Variants in SLCO3A1 observed in about 807,000 individuals in gnomAD.
The protein encoded by SLCO3A1 is solute carrier organic anion transporter family member 3A1.
Under a neutral mutation model 63.1 loss-of-function variants are expected in SLCO3A1, and 27 were observed. That is an observed-to-expected ratio of 0.43 (90% confidence interval 0.32 to 0.59). The LOEUF (loss-of-function observed/expected upper bound fraction) is 0.59, where lower values mean the gene tolerates loss of function less well. Among genes scored for constraint, SLCO3A1 ranks in the 20% least tolerant of loss-of-function variants. SLCO3A1 has a pLI of 0.09. For synonymous variants in SLCO3A1, 473 were observed against 409.9 expected, an observed-to-expected ratio of 1.15 and a Z score of -1.86; for missense variants, 773 against 945.8, an observed-to-expected ratio of 0.82 and a Z score of 2.40.
intron 3 of SLCO3A1, among the ~76,000 whole-genome samples, chr15:92,098,503 G>A (rs1413769432): frequency 6.6e-6 from 1 of 152,180 alleles, no homozygotes; most frequent in Non-Finnish European, 1.5e-5. Context: ...ACCCAGGTGA[G>A]AACAGGACCT....
At chr15:92,013,316 G>A (rs1319207455) in intron 2 of SLCO3A1, among the ~76,000 whole-genome samples, 5 of 152,244 alleles carry the variant, frequency 3.3e-5, no homozygotes, top group Admixed American at 1.3e-4. Context: ...CATAGATGTT[G>A]AGGCTTGGTT....
intron 6 of SLCO3A1, 58 bp downstream of exon 6, chr15:92,126,317 C>G (rs2047922727): frequency 6.8e-7 from 1 of 1,463,926 alleles, no homozygotes. Flanking sequence ...AGCAATCTCC[C>G]TCTGCAGTAG....
chr15:91,895,168 G>T (rs1897972469), intron 1 of SLCO3A1, among the ~76,000 whole-genome samples: 1 of 152,162 alleles, frequency 6.6e-6, no homozygotes, highest in Admixed American at 6.5e-5. Context: ...AATGAGCTGT[G>T]GGCGTGAAGG....
chr15:92,151,949 G>A (rs897000143), intron 9 of SLCO3A1, among the ~76,000 whole-genome samples: 2 of 152,212 alleles, frequency 1.3e-5, no homozygotes, highest in Non-Finnish European at 1.5e-5. Flanking sequence ...CAGACAATTA[G>A]TTAAATCAGT....
intron 9 of SLCO3A1, among the ~76,000 whole-genome samples, chr15:92,156,613 C>A: frequency 6.6e-6 from 1 of 152,214 alleles, no homozygotes; most frequent in Non-Finnish European, 1.5e-5. Flanking sequence ...TGTCAGGTAT[C>A]ACTGGAAAAC....
intron 2 of SLCO3A1, among the ~76,000 whole-genome samples, chr15:91,951,219 T>C (rs895620969): frequency 2.6e-5 from 4 of 152,166 alleles, no homozygotes; most frequent in Admixed American, 1.3e-4. Flanking sequence ...AGCAATCCTC[T>C]CCCATCCCCT....
Position 92,111,574 on chromosome 15 carries a change from G to A in SLCO3A1, c.1009+7032G>A, listed in dbSNP as rs560647169. Among the ~76,000 whole-genome samples the A allele has an allele frequency of 1.1e-4, 16 of 152,262 alleles. No individual in the cohort carries two copies. In the South Asian group the frequency reaches 1.7e-3, roughly 16 times the overall value. On this transcript the variant is annotated intron_variant, in intron 4 of 9. Transcript: ENST00000318445. ...AGGAGTTGTTTTTATAGGTCCCCAC[G>A]GACCAGACTGGTCACTGGCTTAAGT...
At chr15:92,060,333 G>C (rs1364060991) in intron 2 of SLCO3A1, among the ~76,000 whole-genome samples, 2 of 152,074 alleles carry the variant, frequency 1.3e-5, no homozygotes, top group African/African-American at 4.8e-5. Flanking sequence ...GCCAAGGTAG[G>C]CAGATCATTT....
chr15:92,163,492 GATACAC>G lies in SLCO3A1; in HGVS notation c.*369_*374del, dbSNP rs1039409180. ...CCAGCTTGGAGGATGGACATTTCTGGATACACATACACATACAAAACAGAAAACATT... is the reference window on the plus strand; with the variant it reads ...CCAGCTTGGAGGATGGACATTTCTGGATACACATACAAAACAGAAAACATT... On this transcript the variant is annotated 3_prime_UTR_variant, in exon 10 of 10. Coordinates refer to ENST00000318445, the MANE Select transcript of SLCO3A1 (RefSeq NM_013272.4). The G allele has an allele frequency of 7.2e-5, 73 of 1,011,278 alleles. No homozygotes were observed. The highest frequency in any genetic ancestry group is 6.6e-4 in the East Asian group (7 of 10,570). The allele number at this position is 1,011,278 out of a possible 1,614,324, so 62.6% of individuals were successfully genotyped here. A position where few individuals can be genotyped will look rare whatever the true frequency, so the allele number is the denominator to read the frequency against.
In SLCO3A1 at chr15:92,040,137, C is replaced by G. The variant is rs897858555; in HGVS notation, c.647-54744C>G. On this transcript the variant is annotated intron_variant, in intron 2 of 9. Coordinates refer to ENST00000318445, the MANE Select transcript of SLCO3A1 (RefSeq NM_013272.4). ...CTAGATGATGGGTTGATAGGTGAAGCAAACCACCACGGCACATGTATACCT... is the reference window on the plus strand; with the variant it reads ...CTAGATGATGGGTTGATAGGTGAAGGAAACCACCACGGCACATGTATACCT... Among the ~76,000 whole-genome samples the G allele has an allele frequency of 5.3e-5, 8 of 152,120 alleles. 1 individual carries two copies. The highest frequency in any genetic ancestry group is 5.2e-4 in the Admixed American group (8 of 15,262).
chr15:91,973,240 G>A (rs936449425), intron 2 of SLCO3A1, among the ~76,000 whole-genome samples: 8 of 152,200 alleles, frequency 5.3e-5, no homozygotes, highest in African/African-American at 1.9e-4. Flanking sequence ...TCCAAGGAAC[G>A]AATGAATTCT....
At chr15:91,898,533 C>T (rs1462660685) in intron 1 of SLCO3A1, among the ~76,000 whole-genome samples, 1 of 152,194 alleles carries the variant, frequency 6.6e-6, no homozygotes, top group Non-Finnish European at 1.5e-5. Flanking sequence ...GAAGGCTGCA[C>T]TCCCTTCCTC....
chr15:92,000,926 G>A (rs922896508), intron 2 of SLCO3A1, among the ~76,000 whole-genome samples: 1 of 152,086 alleles, frequency 6.6e-6, no homozygotes, highest in Non-Finnish European at 1.5e-5. Context: ...TAGTTGGAGG[G>A]CTTTGTACAT....
chr15:91,881,159 T>C (rs1444313523), intron 1 of SLCO3A1, among the ~76,000 whole-genome samples: 2 of 152,174 alleles, frequency 1.3e-5, no homozygotes, highest in South Asian at 2.1e-4. Flanking sequence ...TACAAGCAGC[T>C]TGGCCAGCTT....
intron 7 of SLCO3A1, among the ~76,000 whole-genome samples, chr15:92,143,043 G>A (rs1165507620): frequency 6.6e-6 from 1 of 151,730 alleles, no homozygotes; most frequent in Non-Finnish European, 1.5e-5. Flanking sequence ...ATTCCTGAGA[G>A]ACTGCGTGCT....
intron 4 of SLCO3A1, among the ~76,000 whole-genome samples, chr15:92,118,962 CTT>C (rs1344327323): frequency 2.6e-5 from 4 of 152,206 alleles, no homozygotes; most frequent in African/African-American, 9.6e-5. Flanking sequence ...CTTTAAATAA[CTT>C]TAAATCTACT....
chr15:91,855,253 C>G (rs7179294), intron 1 of SLCO3A1, among the ~76,000 whole-genome samples: 45,204 of 151,952 alleles, frequency 0.3, 8,557 homozygotes, highest in African/African-American at 0.54. Context: ...GAGGGCCAGA[C>G]GCTGGGGGCT....
intron 9 of SLCO3A1, among the ~76,000 whole-genome samples, chr15:92,156,285 C>T (rs967062131): frequency 6.6e-6 from 1 of 152,194 alleles, no homozygotes; most frequent in African/African-American, 2.4e-5. Flanking sequence ...TTCCACTTGC[C>T]TACACTTTTA....
rs962514834 is a variant in SLCO3A1, at chr15:91,859,240, G to A, written c.180+5152G>A. On this transcript the variant is annotated intron_variant, in intron 1 of 9. Coordinates refer to ENST00000318445, the MANE Select transcript of SLCO3A1 (RefSeq NM_013272.4). The surrounding 1 kb of genome is among the most constrained non-coding windows in gnomAD (Gnocchi z 5.1). ...ACCGTTCTCCCCTGAAGAAAATCTC[G>A]GTATTTTCTTGCCTCTCGGAAATGC... 2.6e-5 allele frequency among the ~76,000 whole-genome samples: 4 copies of A among 152,102 alleles called. No homozygotes were observed. Among genetic ancestry groups the A allele is most frequent in the Non-Finnish European group, 4.4e-5 (3 of 68,014 alleles).
Sources: gnomAD v4.1 joint callset for allele counts (sites outside exome capture counted in the v4.1 genomes callset) on GRCh38, gnomAD v4.1.1 for gene constraint, Gnocchi (gnomAD v3.1) non-coding constraint, MANE v1.5 for transcripts, NCBI Gene and HGNC (gene_info 2026-07-23, HGNC 2026-07-21) for gene names.